Variants in CDH20 observed in about 807,000 individuals in gnomAD.
CDH20 encodes cadherin-20.
A neutral mutation model predicts 74.2 loss-of-function variants in CDH20; 29 were observed. The observed-to-expected ratio is 0.39, with a 90% confidence interval of 0.29 to 0.53. The LOEUF (loss-of-function observed/expected upper bound fraction) is 0.53, where lower values mean the gene tolerates loss of function less well. CDH20 is among the 20% of genes least tolerant of loss of function. The pLI is 0.69. For missense variants in CDH20, 988 were observed against 1,048.3 expected, an observed-to-expected ratio of 0.94 and a Z score of 0.79; for synonymous variants, 469 against 405.4, an observed-to-expected ratio of 1.16 and a Z score of -1.88.
intron 1 of CDH20, among the ~76,000 whole-genome samples, chr18:61,440,890 A>G (rs1362344959): frequency 6.6e-6 from 1 of 152,124 alleles, no homozygotes; most frequent in Non-Finnish European, 1.5e-5. Context: ...TCAAAGAGTC[A>G]AGGGAGCAGA....
Position 61,371,051 on chromosome 18 carries a change from A to T in CDH20, c.-153+37224A>T, listed in dbSNP as rs564278397. On this transcript the variant is annotated intron_variant, in intron 1 of 11. Transcript: ENST00000262717. ...AATACAACTCTTTGTTGATGGGGCC[A>T]TGATCTCAGATCAGAGCTTCTGGAT... Among the ~76,000 whole-genome samples the T allele has an allele frequency of 2.6e-5, 4 of 152,248 alleles. No individual in the cohort carries two copies. In the South Asian group the frequency reaches 8.3e-4, roughly 32 times the overall value.
intron 1 of CDH20, among the ~76,000 whole-genome samples, chr18:61,425,767 G>A (rs1247100952): frequency 2.0e-5 from 3 of 151,910 alleles, no homozygotes; most frequent in Admixed American, 6.6e-5. Flanking sequence ...CTCAGATGAC[G>A]GATACACGAA....
At chr18:61,494,918 A>C (rs1243091189) in intron 2 of CDH20, among the ~76,000 whole-genome samples, 1 of 152,208 alleles carries the variant, frequency 6.6e-6, no homozygotes, top group East Asian at 1.9e-4. Flanking sequence ...GAAAGATGAC[A>C]AAAGGAGTGA....
chr18:61,483,975 G>A (rs2144283643), intron 1 of CDH20, among the ~76,000 whole-genome samples: 1 of 152,180 alleles, frequency 6.6e-6, no homozygotes, highest in South Asian at 2.1e-4. Flanking sequence ...CTTACGTTTA[G>A]GTAGCAAACT....
chr18:61,510,555 A>C (rs1911741951), intron 6 of CDH20, among the ~76,000 whole-genome samples: 2 of 152,196 alleles, frequency 1.3e-5, no homozygotes, highest in African/African-American at 2.4e-5. Flanking sequence ...ACTGCTTCAG[A>C]AGGGAATAAG....
intron 1 of CDH20, among the ~76,000 whole-genome samples, chr18:61,341,486 A>G (rs1416897505): frequency 6.6e-6 from 1 of 151,910 alleles, no homozygotes; most frequent in Non-Finnish European, 1.5e-5. Flanking sequence ...ATTGGGGGAG[A>G]CACAAACACT....
rs545235390 is a variant in CDH20, at chr18:61,432,395, C to G, written c.-152-58007C>G. 4.6e-5 allele frequency among the ~76,000 whole-genome samples: 7 copies of G among 152,232 alleles called. No homozygotes were observed. In the South Asian group the frequency reaches 1.5e-3, roughly 32 times the overall value. Reference sequence around the variant, plus strand: ...CTTCTTACTCCGTCCCCATCCACAACTGGTGCCCAGACCTTGGCAGTTAAA... The same window carrying G: ...CTTCTTACTCCGTCCCCATCCACAAGTGGTGCCCAGACCTTGGCAGTTAAA... On this transcript the variant is annotated intron_variant, in intron 1 of 11. Transcript: ENST00000262717.
intron 6 of CDH20, among the ~76,000 whole-genome samples, chr18:61,515,259 T>C (rs567382732): frequency 6.6e-6 from 1 of 152,002 alleles, no homozygotes; most frequent in African/African-American, 2.4e-5. Flanking sequence ...AGTGACCCGA[T>C]TTTCCAGGTG....
At chr18:61,468,581 CT>C (rs892278984) in intron 1 of CDH20, among the ~76,000 whole-genome samples, 1 of 152,106 alleles carries the variant, frequency 6.6e-6, no homozygotes, top group African/African-American at 2.4e-5. Context: ...TTTTTCCCCC[CT>C]ACTTGCTCCA....
chr18:61,474,258 G>A (rs891223395), intron 1 of CDH20, among the ~76,000 whole-genome samples: 5 of 152,182 alleles, frequency 3.3e-5, no homozygotes, highest in African/African-American at 1.2e-4. Context: ...TTCTGCCACT[G>A]ATTAACACTG....
At chr18:61,402,928 C>A (rs149786962) in intron 1 of CDH20, among the ~76,000 whole-genome samples, 1 of 152,266 alleles carries the variant, frequency 6.6e-6, no homozygotes, top group African/African-American at 2.4e-5. Context: ...ATTTATGCAG[C>A]TTTCTGTATA....
At position 61,503,108 on chromosome 18, in the gene CDH20, C is replaced by A; in HGVS notation, c.817C>A (p.Arg273Ser). 6.2e-7 allele frequency: 1 copy of A among 1,608,710 alleles called. No homozygotes were observed. The highest frequency in any genetic ancestry group is 1.1e-5 in the South Asian group (1 of 90,036). Reference sequence around the variant, plus strand: ...CTCAGATGTCAATGATAACCCACCCCGCTTTCCCCAGAGTGAGTACCTAAC... The same window carrying A: ...CTCAGATGTCAATGATAACCCACCCAGCTTTCCCCAGAGTGAGTACCTAAC... ...TLSDVNDNPP[R>S]FPQKHYQMSV... The change falls in exon 5 of 12, where the codon CGC becomes AGC. Residue 273 changes from arginine (R) to serine (S), a missense_variant. Transcript: ENST00000262717.
At chr18:61,506,943 T>C (rs1911587096) in intron 5 of CDH20, among the ~76,000 whole-genome samples, 1 of 151,992 alleles carries the variant, frequency 6.6e-6, no homozygotes, top group South Asian at 2.1e-4. Flanking sequence ...AGCCAGGCCA[T>C]GAAAAAAAAG....
chr18:61,440,058 T>C (rs1908975765), intron 1 of CDH20, among the ~76,000 whole-genome samples: 1 of 152,150 alleles, frequency 6.6e-6, no homozygotes, highest in Non-Finnish European at 1.5e-5. Context: ...TTCTGAAGAG[T>C]TCTTCCTGTA....
intron 11 of CDH20, among the ~76,000 whole-genome samples, chr18:61,551,456 G>A (rs966660186): frequency 1.3e-5 from 2 of 152,188 alleles, no homozygotes; most frequent in South Asian, 4.1e-4. Flanking sequence ...AAGTTCCTGT[G>A]TAAAATGTCA....
At chr18:61,386,684 A>G (rs915573736) in intron 1 of CDH20, among the ~76,000 whole-genome samples, 2 of 152,216 alleles carry the variant, frequency 1.3e-5, no homozygotes, top group Admixed American at 6.5e-5. Context: ...ATTGAACAAT[A>G]GAAGAATGGT....
chr18:61,457,932 A>C (rs1406141983), intron 1 of CDH20, among the ~76,000 whole-genome samples: 1 of 152,144 alleles, frequency 6.6e-6, no homozygotes, highest in South Asian at 2.1e-4. Context: ...ATCAGTGAAT[A>C]ATCTGGGTTA....
chr18:61,442,374 A>AG (rs965399809), intron 1 of CDH20, among the ~76,000 whole-genome samples: 74 of 150,562 alleles, frequency 4.9e-4, no homozygotes, highest in South Asian at 2.3e-3. Flanking sequence ...AGAAAAGAAA[A>AG]AAAAAAAAAA....
chr18:61,545,174 C>T (rs1913198050), intron 10 of CDH20, 30 bp downstream of exon 10: 2 of 1,423,538 alleles, frequency 1.4e-6, no homozygotes, highest in Non-Finnish European at 2.0e-6. Flanking sequence ...GCTATCTGTG[C>T]TTTTCTACAG....
Sources: allele counts gnomAD v4.1 joint callset (sites outside exome capture counted in the v4.1 genomes callset), GRCh38; gene constraint gnomAD v4.1.1; transcripts MANE v1.5; gene names NCBI Gene and HGNC (gene_info 2026-07-23, HGNC 2026-07-21).